Variants in THSD7B observed in about 807,000 individuals in gnomAD.
The protein encoded by THSD7B is thrombospondin type 1 domain containing 7B.
In THSD7B, 138 loss-of-function variants were observed where a neutral mutation model predicts 213.6. The observed-to-expected ratio is 0.65, with a 90% CI of 0.56 to 0.74. The LOEUF (loss-of-function observed/expected upper bound fraction) is 0.74, where lower values mean the gene tolerates loss of function less well. THSD7B is among the 30% of genes least tolerant of loss of function. The probability of loss-of-function intolerance (pLI) is 0.00; values close to 1 mark genes in which losing one functional copy is unlikely to be tolerated. For missense variants in THSD7B, 1,931 were observed against 1,991.5 expected (o/e 0.97, Z 0.58); for synonymous variants, 742 against 687.0 (o/e 1.08, Z -1.25).
chr2:137,250,416 G>T (rs1682146199), intron 10 of THSD7B, among the ~76,000 whole-genome samples: 1 of 152,056 alleles, frequency 6.6e-6, no homozygotes, highest in Non-Finnish European at 1.5e-5. Context: ...ACCAGAGTAG[G>T]TTTTAAATGT....
At chr2:136,870,087 A>AT (rs1372841326) in intron 1 of THSD7B, among the ~76,000 whole-genome samples, 1 of 151,868 alleles carries the variant, frequency 6.6e-6, no homozygotes, top group Non-Finnish European at 1.5e-5. Flanking sequence ...AAAAAAAAAA[A>AT]AAGTGTCAGC....
At chr2:136,955,230 G>A (rs1685105006) in intron 2 of THSD7B, among the ~76,000 whole-genome samples, 2 of 152,168 alleles carry the variant, frequency 1.3e-5, no homozygotes. Context: ...TAGAGAGCTG[G>A]AATATATTTG....
At chr2:137,445,585 G>T (rs1291055252) in intron 14 of THSD7B, among the ~76,000 whole-genome samples, 1 of 151,894 alleles carries the variant, frequency 6.6e-6, no homozygotes, top group Non-Finnish European at 1.5e-5. Flanking sequence ...AAGTAGTGAA[G>T]AGAATGGTGG....
At chr2:137,259,314 C>T (rs1319829333) in intron 10 of THSD7B, among the ~76,000 whole-genome samples, 13 of 152,126 alleles carry the variant, frequency 8.5e-5, no homozygotes, top group African/African-American at 2.7e-4. Context: ...AGTGTAAAAG[C>T]GTTCCTACTT....
At chr2:137,524,679 G>A (rs192103146) in intron 15 of THSD7B, among the ~76,000 whole-genome samples, 1 of 152,272 alleles carries the variant, frequency 6.6e-6, no homozygotes, top group East Asian at 1.9e-4. Flanking sequence ...CATAAGGTCA[G>A]GAAATTGATG....
At position 137,616,169 on chromosome 2, in the gene THSD7B, T is replaced by G. The variant is rs1268317815; in HGVS notation, c.3424-6T>G. 6.2e-7 allele frequency: 1 copy of G among 1,610,224 alleles called. No homozygotes were observed. The highest frequency in any genetic ancestry group is 1.3e-5 in the African/African-American group (1 of 74,706). ...CAGTCAACTTTTCCTACTCTGATTT[T>G]AATAGTCATGCGATCCCCACACAAT... On this transcript the variant is annotated splice_region_variant and splice_polypyrimidine_tract_variant and intron_variant, in intron 17 of 27. Coordinates refer to ENST00000409968, the MANE Select transcript of THSD7B (RefSeq NM_001316349.2).
chr2:137,049,251 A>G (rs1410826092), intron 2 of THSD7B, among the ~76,000 whole-genome samples: 1 of 145,896 alleles, frequency 6.9e-6, no homozygotes, highest in East Asian at 2.4e-4. Flanking sequence ...CTTCGGCCCC[A>G]CACACCAGCT....
chr2:137,254,909 C>T lies in THSD7B; in HGVS notation c.2266+12337C>T, dbSNP rs577913082. On this transcript the variant is annotated intron_variant, in intron 10 of 27. Transcript: ENST00000409968. ...TGTGTGCGTGTGTATGTGTGTATGT[C>T]GAGACAGAGAAAGAGTGAGGGGGGG... is the stretch of plus-strand genomic sequence containing the variant. Among the ~76,000 whole-genome samples the T allele has an allele frequency of 4.0e-5, 6 of 151,590 alleles. No homozygotes were observed. In the South Asian group the frequency reaches 1.0e-3, roughly 26 times the overall value.
At chr2:137,444,753 CA>C (rs1414201078) in intron 14 of THSD7B, among the ~76,000 whole-genome samples, 1 of 151,818 alleles carries the variant, frequency 6.6e-6, no homozygotes, top group African/African-American at 2.4e-5. Flanking sequence ...GCCACAAAGG[CA>C]AAAATGGACA....
chr2:137,492,535 G>T (rs1679437407), intron 15 of THSD7B, among the ~76,000 whole-genome samples: 1 of 152,110 alleles, frequency 6.6e-6, no homozygotes, highest in African/African-American at 2.4e-5. Context: ...CCTTGCCAAA[G>T]AAACATCTGT....
In THSD7B at chr2:137,620,701, G is replaced by A. The variant is rs1682503568; in HGVS notation, c.3774G>A (p.Glu1258=). The change falls in exon 20 of 28, where the codon GAG becomes GAA. Residue 1258 remains glutamate, a synonymous_variant. Transcript: ENST00000409968. ...CQLSGWTAWT[E]CSQTCGHGGR... is the part of the protein sequence containing the mutation. ...TCTCAGGGTGGACGGCTTGGACAGA[G>A]TGTTCACAGACCTGTGGCCATGGAG... The A allele has an allele frequency of 1.2e-6, 2 of 1,613,876 alleles. No individual in the cohort carries two copies. Among genetic ancestry groups the A allele is most frequent in the Non-Finnish European group, 8.5e-7 (1 of 1,179,768 alleles).
intron 2 of THSD7B, among the ~76,000 whole-genome samples, chr2:136,953,036 G>T (rs1685067041): frequency 6.6e-6 from 1 of 152,052 alleles, no homozygotes; most frequent in Admixed American, 6.5e-5. Context: ...GAAGATTAGG[G>T]TAAAAATATG....
intron 7 of THSD7B, among the ~76,000 whole-genome samples, chr2:137,179,440 G>A (rs1352214988): frequency 6.6e-6 from 1 of 151,952 alleles, no homozygotes; most frequent in African/African-American, 2.4e-5. Context: ...TAATGAACAT[G>A]GATAAAACAC....
Position 137,210,644 on chromosome 2 carries a change from G to A in THSD7B, c.1724-20400G>A, listed in dbSNP as rs575490587. Among the ~76,000 whole-genome samples the A allele has an allele frequency of 5.3e-5, 8 of 152,074 alleles. No homozygotes were observed. In the South Asian group the frequency reaches 1.4e-3, roughly 28 times the overall value. ...TGTAGGAAATTACTGGGCTGACTTC[G>A]TTTGATGTATAGTAATACATTTAAA... On this transcript the variant is annotated intron_variant, in intron 7 of 27. Transcript: ENST00000409968.
At chr2:137,655,369 A>G (rs917439184) in intron 21 of THSD7B, 132 bp from the exon 22 acceptor site, 4 of 933,066 alleles carry the variant, frequency 4.3e-6, no homozygotes, top group African/African-American at 3.3e-5. Flanking sequence ...TCAACAATTG[A>G]GAGATAGCTC....
chr2:137,427,902 A>G (rs368402687), intron 14 of THSD7B, among the ~76,000 whole-genome samples: 1 of 152,170 alleles, frequency 6.6e-6, no homozygotes, highest in Non-Finnish European at 1.5e-5. Context: ...GTTGGAAATC[A>G]TTTTGTAGTA....
At chr2:137,129,032 T>A (rs1688676389) in intron 5 of THSD7B, among the ~76,000 whole-genome samples, 1 of 152,164 alleles carries the variant, frequency 6.6e-6, no homozygotes, top group South Asian at 2.1e-4. Context: ...GGTTCTTACA[T>A]CTTATATAAG....
chr2:137,343,853 C>G (rs1684813999), intron 12 of THSD7B, among the ~76,000 whole-genome samples: 1 of 151,756 alleles, frequency 6.6e-6, no homozygotes, highest in African/African-American at 2.4e-5. Flanking sequence ...TAACTTCATT[C>G]TTTTACAATG....
rs36201207 is a variant in THSD7B, at chr2:137,141,494, T to TCA, written c.1370-18692_1370-18691dup. Among the ~76,000 whole-genome samples the TCA allele has an allele frequency of 4.4e-3, 657 of 150,168 alleles. 6 individuals are homozygous for TCA. The highest frequency in any genetic ancestry group is 0.024 in the East Asian group (121 of 4,942). ...AACACACATGTGTGCACACACACAC[T>TCA]CACACACACACACACACACACACAC... On this transcript the variant is annotated intron_variant, in intron 5 of 27. Coordinates refer to ENST00000409968, the MANE Select transcript of THSD7B (RefSeq NM_001316349.2).
Sources: allele counts gnomAD v4.1 joint callset (sites outside exome capture counted in the v4.1 genomes callset), GRCh38; gene constraint gnomAD v4.1.1; transcripts MANE v1.5; gene names NCBI Gene and HGNC (gene_info 2026-07-23, HGNC 2026-07-21).